The following PRKAG2 variants were observed in gnomAD, a reference collection of about 807,000 sequenced individuals.
The protein encoded by PRKAG2 is 5'-AMP-activated protein kinase subunit gamma-2.
Under a neutral mutation model 69.6 loss-of-function variants are expected in PRKAG2, and 26 were observed. The ratio of observed to expected loss-of-function variants is 0.37; its 90% CI spans 0.27 to 0.52. The LOEUF (loss-of-function observed/expected upper bound fraction) is 0.52. Among genes scored for constraint, PRKAG2 ranks in the 20% least tolerant of loss-of-function variants. PRKAG2 has a pLI of 0.90. For missense variants in PRKAG2, 557 were observed against 740.0 expected (o/e 0.75, Z 2.87); for synonymous variants, 293 against 285.0 (o/e 1.03, Z -0.28).
chr7:151,608,866 G>T (rs1818128356), intron 5 of PRKAG2, among the ~76,000 whole-genome samples: 1 of 151,064 alleles, frequency 6.6e-6, no homozygotes, highest in East Asian at 1.9e-4. Flanking sequence ...CTATGAAAGT[G>T]CCTCATGTGA....
At chr7:151,606,465 T>TACA (rs200217079) in intron 5 of PRKAG2, among the ~76,000 whole-genome samples, 21 of 152,240 alleles carry the variant, frequency 1.4e-4, no homozygotes, top group African/African-American at 4.8e-4. Context: ...TTTGGAGTTA[T>TACA]ACAACAACAA....
At chr7:151,839,932 C>T (rs1348222718) in intron 1 of PRKAG2, among the ~76,000 whole-genome samples, 1 of 152,148 alleles carries the variant, frequency 6.6e-6, no homozygotes, top group Admixed American at 6.5e-5. Context: ...TGGGAGGCCA[C>T]ACCTGTACCC....
intron 8 of PRKAG2, among the ~76,000 whole-genome samples, chr7:151,573,258 A>C (rs1030486973): frequency 6.6e-6 from 1 of 151,348 alleles, no homozygotes; most frequent in Non-Finnish European, 1.5e-5. Context: ...CCCAGGCTTA[A>C]GTAATCCTCT....
At chr7:151,643,824 T>C (rs1330278830) in intron 4 of PRKAG2, among the ~76,000 whole-genome samples, 2 of 152,228 alleles carry the variant, frequency 1.3e-5, no homozygotes, top group African/African-American at 4.8e-5. Flanking sequence ...CAATAAACGA[T>C]TTCTATTCCA....
intron 4 of PRKAG2, among the ~76,000 whole-genome samples, chr7:151,635,794 G>A (rs1352474031): frequency 6.6e-6 from 1 of 151,970 alleles, no homozygotes; most frequent in East Asian, 1.9e-4. Context: ...TATCCTGCTT[G>A]TGATATCACC....
In PRKAG2 at chr7:151,850,364, A is replaced by C. The variant is rs11974420; in HGVS notation, c.114+26143T>G. Among the ~76,000 whole-genome samples the C allele has an allele frequency of 2.0e-5, 3 of 152,222 alleles. No individual in the cohort carries two copies. Among genetic ancestry groups the C allele is most frequent in the Non-Finnish European group, 1.5e-5 (1 of 68,040 alleles). On this transcript the variant is annotated intron_variant, in intron 1 of 15. Transcript: ENST00000287878. This position sits in a 1 kb window ranked among gnomAD's most constrained non-coding sequence, Gnocchi z 4.1. ...TCAAATCTGTCTAAGCTCCGAAGTA[A>C]CCCTGCTCAGCTAATAGGTTATTTC...
intron 3 of PRKAG2, among the ~76,000 whole-genome samples, chr7:151,676,238 T>C (rs1832921717): frequency 2.5e-5 from 1 of 40,350 alleles, no homozygotes; most frequent in Admixed American, 3.7e-4. Flanking sequence ...ACCATGTATC[T>C]GAGGAGGGGG....
intron 1 of PRKAG2, among the ~76,000 whole-genome samples, chr7:151,787,097 C>T (rs1173445686): frequency 6.6e-6 from 1 of 152,230 alleles, no homozygotes; most frequent in Non-Finnish European, 1.5e-5. Context: ...CCTGCCCCTT[C>T]TTCCTCTTGA....
chr7:151,631,816 G>A, intron 5 of PRKAG2: 1 of 497,358 alleles, frequency 2.0e-6, no homozygotes, highest in Non-Finnish European at 3.9e-6. Flanking sequence ...GCCCGTCCGT[G>A]TGGATGCCGG....
chr7:151,612,356 T>G (rs1819078811), intron 5 of PRKAG2, among the ~76,000 whole-genome samples: 1 of 152,132 alleles, frequency 6.6e-6, no homozygotes, highest in South Asian at 2.1e-4. Flanking sequence ...GGTTTATGCC[T>G]TGCTAGAGAG....
chr7:151,859,029 C>T (rs1041983800), intron 1 of PRKAG2, among the ~76,000 whole-genome samples: 2 of 152,202 alleles, frequency 1.3e-5, no homozygotes, highest in Non-Finnish European at 2.9e-5. Flanking sequence ...AGAAACTTCT[C>T]AGATCAAGGA....
rs1286700502 is a variant in PRKAG2 at position 151,777,651 on chromosome 7, C to T, written c.466+3501G>A. 6.6e-6 allele frequency among the ~76,000 whole-genome samples: 1 copy of T among 152,234 alleles called. No individual in the cohort carries two copies. Among genetic ancestry groups the T allele is most frequent in the Non-Finnish European group, 1.5e-5 (1 of 68,036 alleles). ...GAGATCACGACAGCAGGAGAAGGTCCAGCCTGGCCCACTCCATCCTGCATC... is the reference window on the plus strand; with the variant it reads ...GAGATCACGACAGCAGGAGAAGGTCTAGCCTGGCCCACTCCATCCTGCATC... On this transcript the variant is annotated intron_variant, in intron 3 of 15. Transcript: ENST00000287878. This position sits in a 1 kb window ranked among gnomAD's most constrained non-coding sequence, Gnocchi z 4.3.
intron 1 of PRKAG2, among the ~76,000 whole-genome samples, chr7:151,806,219 A>G (rs1212754572): frequency 2.0e-5 from 3 of 152,234 alleles, no homozygotes; most frequent in Non-Finnish European, 4.4e-5. Context: ...ACAGTTTGGG[A>G]CAGAGAAAAA....
At position 151,776,560 on chromosome 7, in the gene PRKAG2, G is replaced by A. The variant is rs1586452000; in HGVS notation, c.466+4592C>T. ...CAGTGCCTGACTCCCTGTGTCCCAA[G>A]GGAGGGCCCAGGCCCCGGGTACACA... On this transcript the variant is annotated intron_variant, in intron 3 of 15. Transcript: ENST00000287878. 2.0e-5 allele frequency among the ~76,000 whole-genome samples: 3 copies of A among 152,222 alleles called. No individual in the cohort carries two copies. In the South Asian group the frequency reaches 6.2e-4, roughly 32 times the overall value.
At chr7:151,710,667 C>A (rs1054839300) in intron 3 of PRKAG2, among the ~76,000 whole-genome samples, 3 of 152,244 alleles carry the variant, frequency 2.0e-5, no homozygotes, top group African/African-American at 4.8e-5. Flanking sequence ...CGCTCACACA[C>A]CCCCATTTGC....
intron 1 of PRKAG2, among the ~76,000 whole-genome samples, chr7:151,815,433 G>A (rs2078612879): frequency 6.6e-6 from 1 of 152,022 alleles, no homozygotes; most frequent in South Asian, 2.1e-4. Flanking sequence ...CCTCCTGGGG[G>A]CTCTCACACC....
At chr7:151,872,949 A>G (rs1480969867) in intron 1 of PRKAG2, among the ~76,000 whole-genome samples, 3 of 152,204 alleles carry the variant, frequency 2.0e-5, no homozygotes, top group African/African-American at 7.2e-5. Flanking sequence ...CAAATACAGG[A>G]CGCCCCCATT....
At chr7:151,785,798 C>A (rs111592994) in intron 2 of PRKAG2, among the ~76,000 whole-genome samples, 1 of 152,104 alleles carries the variant, frequency 6.6e-6, no homozygotes, top group Non-Finnish European at 1.5e-5. Flanking sequence ...TGGACCTCTG[C>A]GCCCTGCCAC....
At chr7:151,713,096 G>A (rs1344555505) in intron 3 of PRKAG2, among the ~76,000 whole-genome samples, 1 of 152,174 alleles carries the variant, frequency 6.6e-6, no homozygotes, top group Non-Finnish European at 1.5e-5. Context: ...TCTCCTGTAT[G>A]GCACTGTCAA....
Sources: gnomAD v4.1 joint callset for allele counts (sites outside exome capture counted in the v4.1 genomes callset) on GRCh38, gnomAD v4.1.1 for gene constraint, Gnocchi (gnomAD v3.1) non-coding constraint, MANE v1.5 for transcripts, NCBI Gene and HGNC (gene_info 2026-07-23, HGNC 2026-07-21) for gene names.